Variants in MTFR1L observed in about 807,000 individuals in gnomAD.
The protein encoded by MTFR1L is mitochondrial fission regulator 1-like.
A neutral mutation model predicts 27.9 loss-of-function variants in MTFR1L; 10 were observed. The observed-to-expected ratio is 0.36, with a 90% CI of 0.22 to 0.61. The LOEUF (loss-of-function observed/expected upper bound fraction) is 0.61. Among genes scored for constraint, MTFR1L ranks in the 20% least tolerant of loss-of-function variants. The pLI is 0.73. For synonymous variants in MTFR1L, 151 were observed against 139.4 expected (o/e 1.08, Z -0.58); for missense variants, 315 against 363.7 (o/e 0.87, Z 1.09).
chr1:25,829,149 G>C (rs1451845785), intron 5 of MTFR1L, among the ~76,000 whole-genome samples: 1 of 152,198 alleles, frequency 6.6e-6, no homozygotes, highest in Non-Finnish European at 1.5e-5. Context: ...AGTCTAGTTA[G>C]AGAAAAGGAC....
intron 2 of MTFR1L, chr1:25,823,426 C>T: frequency 1.3e-6 from 1 of 764,580 alleles, no homozygotes; most frequent in Non-Finnish European, 2.3e-6. Context: ...CATTGACTGC[C>T]TTAGCAGCAG....
chr1:25,826,503 T>C lies in MTFR1L; in HGVS notation c.239+92T>C. 6.3e-7 allele frequency: 1 copy of C among 1,581,750 alleles called. No individual in the cohort carries two copies. Among genetic ancestry groups the C allele is most frequent in the Non-Finnish European group, 8.7e-7 (1 of 1,151,638 alleles). Reference sequence around the variant, plus strand: ...GGAGAGAGGAATGAGAACTGTGGGCTCAGAGAGGAGCAGAACCTTACTATA... The same window carrying C: ...GGAGAGAGGAATGAGAACTGTGGGCCCAGAGAGGAGCAGAACCTTACTATA... On this transcript the variant is annotated intron_variant, in intron 4 of 6. Transcript: ENST00000374303. The surrounding 1 kb of genome is among the most constrained non-coding windows in gnomAD (Gnocchi z 4.1).
intron 5 of MTFR1L, among the ~76,000 whole-genome samples, chr1:25,827,144 T>G (rs2048179238): frequency 6.6e-6 from 1 of 152,126 alleles, no homozygotes; most frequent in Non-Finnish European, 1.5e-5. Context: ...GTAGCTTTTT[T>G]TTTTTCTCCT....
rs1482430066 is a variant in MTFR1L, at chr1:25,832,715, T to C, written c.*689T>C. 6.4e-6 allele frequency: 1 copy of C among 156,054 alleles called. No homozygotes were observed. The highest frequency in any genetic ancestry group is 1.4e-5 in the Non-Finnish European group (1 of 70,022). 9.7% of individuals were successfully genotyped at this position (156,054 alleles called of 1,614,324 possible). ...AGTTCCACTGATTAAAAACTTTCTC[T>C]TCCACGGACTTTAAGCCCGGTAGGA... On this transcript the variant is annotated 3_prime_UTR_variant, in exon 7 of 7. Transcript: ENST00000374303.
chr1:25,829,552 A>G lies in MTFR1L; in HGVS notation c.495A>G (p.Ser165=). The G allele has an allele frequency of 6.2e-7, 1 of 1,614,136 alleles. No individual in the cohort carries two copies. Among genetic ancestry groups the G allele is most frequent in the Non-Finnish European group, 8.5e-7 (1 of 1,179,998 alleles). The change falls in exon 6 of 7, where the codon TCA becomes TCG. Residue 165 remains serine, a synonymous_variant. Transcript: ENST00000374303. ...LTPDFLSPGS[S]NVSSPLPCFG... ...CAGATTTCTTATCTCCAGGAAGTTC[A>G]AATGTCTCTTCTCCCTTACCTTGTT...
rs1259336160 is a variant in MTFR1L, at chr1:25,832,222, G to T, written c.*196G>T. ...CAAACCCTAGCAGAAGCTAAGGCTT[G>T]TGATTTGACCTGAGACATTTGTTTC... On this transcript the variant is annotated 3_prime_UTR_variant, in exon 7 of 7. Coordinates refer to ENST00000374303, the MANE Select transcript of MTFR1L (RefSeq NM_001099625.2). 1.3e-6 allele frequency: 2 copies of T among 1,482,904 alleles called. No homozygotes were observed. The highest frequency in any genetic ancestry group is 3.9e-5 in the Admixed American group (2 of 50,688). The allele number at this position is 1,482,904 out of a possible 1,614,324, so 91.9% of individuals were successfully genotyped here.
intron 1 of MTFR1L, 36 bp from the exon 2 acceptor site, chr1:25,822,983 G>T: frequency 6.4e-7 from 1 of 1,565,724 alleles, no homozygotes; most frequent in Admixed American, 1.7e-5. Flanking sequence ...ACTGTGGGGG[G>T]TTGTTTCACA....
intron 1 of MTFR1L, chr1:25,820,645 C>T: frequency 2.4e-6 from 1 of 415,552 alleles, no homozygotes; most frequent in Non-Finnish European, 4.7e-6. Flanking sequence ...CTCCGGAGGG[C>T]TGCGGGGCGC....
rs774197376 is a variant in MTFR1L, at chr1:25,823,579, G to A, written c.25-65G>A. 148 of 1,580,504 alleles carry A rather than the reference G, an allele frequency of 9.4e-5. 1 individual carries two copies. Among genetic ancestry groups the A allele is most frequent in the Middle Eastern group, 1.7e-4 (1 of 6,044 alleles). ...TCAGTCTCCACAAACCTAGAGAGGA[G>A]AGGACAAGGACAGTAGTTGGATTCA... On this transcript the variant is annotated intron_variant, in intron 2 of 6. Coordinates refer to ENST00000374303, the MANE Select transcript of MTFR1L (RefSeq NM_001099625.2).
At chr1:25,824,197 T>C (rs970412774) in intron 3 of MTFR1L, among the ~76,000 whole-genome samples, 4 of 152,182 alleles carry the variant, frequency 2.6e-5, no homozygotes, top group African/African-American at 9.7e-5. Context: ...AGTGTTTCTC[T>C]GAGGCCATAA....
In MTFR1L at chr1:25,819,980, G is replaced by A. The variant is rs1303859460; in HGVS notation, c.-136G>A. On this transcript the variant is annotated 5_prime_UTR_variant, in exon 1 of 7. Coordinates refer to ENST00000374303, the MANE Select transcript of MTFR1L (RefSeq NM_001099625.2). The stretch of plus-strand genomic sequence containing the variant: ...GGGCGGTTGAGGCTGGGCGGCCCAA[G>A]GTGGAAGGAGGGGCCGTGAGGTGAG... 9.1e-6 allele frequency: 3 copies of A among 330,714 alleles called. No homozygotes were observed. The highest frequency in any genetic ancestry group is 4.6e-5 in the African/African-American group (2 of 43,640). The allele number at this position is 330,714 out of a possible 1,614,324, so 20.5% of individuals were successfully genotyped here. A position where few individuals can be genotyped will look rare whatever the true frequency, so the allele number is the denominator to read the frequency against.
chr1:25,821,542 C>T (rs1365840319), intron 1 of MTFR1L: 2 of 152,288 alleles, frequency 1.3e-5, no homozygotes, highest in Non-Finnish European at 2.9e-5. Flanking sequence ...ACCTCGTCTC[C>T]CAAGGGTAGA....
chr1:25,822,908 CCT>C (rs2048116056), intron 1 of MTFR1L, 109 bp from the exon 2 acceptor site: 1 of 839,700 alleles, frequency 1.2e-6, no homozygotes, highest in Non-Finnish European at 1.9e-6. Context: ...GGTTTTCTCC[CCT>C]GTGAAGTCAT....
At chr1:25,820,579 C>G (rs116526506) in intron 1 of MTFR1L, 4,375 of 379,718 alleles carry the variant, frequency 0.012, 183 homozygotes, top group African/African-American at 0.088. Flanking sequence ...GGGCCCTGCG[C>G]TGGAGGAGCT....
chr1:25,831,864 A>AGAT lies in MTFR1L; in HGVS notation c.774-56_774-54dup, dbSNP rs779158988. The AGAT allele has an allele frequency of 3.1e-4, 427 of 1,363,456 alleles. 1 individual carries two copies. The East Asian group carries it at 9.2e-3, about 29-fold the overall frequency. 84.5% of individuals were successfully genotyped at this position (1,363,456 alleles called of 1,614,324 possible). ...GATTCAACGAGATAATGTATTCAAA[A>AGAT]GATATACAGCACTACACAGGAAAGA... On this transcript the variant is annotated intron_variant, in intron 6 of 6. Transcript: ENST00000374303.
chr1:25,824,184 T>C (rs148345373), intron 3 of MTFR1L, among the ~76,000 whole-genome samples: 88 of 152,294 alleles, frequency 5.8e-4, no homozygotes, highest in Middle Eastern at 6.8e-3. Flanking sequence ...CTCCACTATT[T>C]TTAGTGTTTC....
At chr1:25,821,044 G>A (rs2048084753) in intron 1 of MTFR1L, 2 of 277,004 alleles carry the variant, frequency 7.2e-6, no homozygotes, top group Non-Finnish European at 6.9e-6. Flanking sequence ...TGTGGCTGGA[G>A]GGCAAGGGGG....
rs1307396576 is a variant in MTFR1L, at chr1:25,832,429, C to T, written c.*403C>T. The T allele has an allele frequency of 1.3e-5, 6 of 479,044 alleles. No homozygotes were observed. Among genetic ancestry groups the T allele is most frequent in the Non-Finnish European group, 1.9e-5 (5 of 260,448 alleles). 29.7% of individuals were successfully genotyped at this position (479,044 alleles called of 1,614,324 possible). On this transcript the variant is annotated 3_prime_UTR_variant, in exon 7 of 7. Transcript: ENST00000374303. ...CACTCACTCAGCAGCTTCCTTGCAGCAGAGCAGGGCTGAGGGGAAGGGGCT... is the reference window on the plus strand; with the variant it reads ...CACTCACTCAGCAGCTTCCTTGCAGTAGAGCAGGGCTGAGGGGAAGGGGCT...
At chr1:25,824,824 G>A (rs994039695) in intron 3 of MTFR1L, among the ~76,000 whole-genome samples, 16 of 151,900 alleles carry the variant, frequency 1.1e-4, no homozygotes, top group African/African-American at 3.4e-4. Context: ...CATAGAGGCC[G>A]TCCCCACACT....
Sources: allele counts gnomAD v4.1 joint callset (sites outside exome capture counted in the v4.1 genomes callset), GRCh38; gene constraint gnomAD v4.1.1; non-coding constraint Gnocchi (gnomAD v3.1); transcripts MANE v1.5; gene names NCBI Gene and HGNC (gene_info 2026-07-23, HGNC 2026-07-21).